NPR3: variants seen among roughly 807,000 people sequenced by gnomAD.
NPR3 encodes the protein natriuretic peptide receptor 3, also known as atrial natriuretic peptide receptor 3.
NPR3 carries 34 observed loss-of-function variants against 54.5 expected under a neutral mutation model. That is an observed-to-expected ratio of 0.62 (90% CI 0.47 to 0.83). The LOEUF is 0.83. NPR3 is among the 40% of genes least tolerant of loss of function. The probability of loss-of-function intolerance (pLI) is 0.00; values close to 1 mark genes in which losing one functional copy is unlikely to be tolerated. For missense variants in NPR3, 674 were observed against 720.8 expected (o/e 0.94, Z 0.74); for synonymous variants, 289 against 297.1 (o/e 0.97, Z 0.28).
At chr5:32,726,365 A>C (rs535436918) in intron 2 of NPR3, among the ~76,000 whole-genome samples, 1 of 152,298 alleles carries the variant, frequency 6.6e-6, no homozygotes, top group Non-Finnish European at 1.5e-5. Context: ...GTAGTGGATA[A>C]AATTAGAGAT....
chr5:32,785,961 T>A (rs1303118157), intron 7 of NPR3, among the ~76,000 whole-genome samples: 1 of 152,200 alleles, frequency 6.6e-6, no homozygotes, highest in East Asian at 1.9e-4. Context: ...AGAACTTCTG[T>A]AGCCTAATAG....
chr5:32,754,814 T>C (rs1740749029), intron 3 of NPR3, among the ~76,000 whole-genome samples: 1 of 152,186 alleles, frequency 6.6e-6, no homozygotes, highest in Non-Finnish European at 1.5e-5. Flanking sequence ...AATTACTAAA[T>C]CACTGGTGTT....
At chr5:32,736,192 C>G (rs1739733673) in intron 2 of NPR3, among the ~76,000 whole-genome samples, 1 of 140,482 alleles carries the variant, frequency 7.1e-6, no homozygotes, top group Non-Finnish European at 1.5e-5. Flanking sequence ...GATCATGCCA[C>G]TGCCCTCCAG....
At chr5:32,725,145 AAC>A (rs1739075727) in intron 2 of NPR3, among the ~76,000 whole-genome samples, 1 of 152,018 alleles carries the variant, frequency 6.6e-6, no homozygotes, top group Non-Finnish European at 1.5e-5. Context: ...TGGGTTAAAA[AAC>A]CCTGTTGGGT....
chr5:32,713,668 AC>A (rs955341023), intron 1 of NPR3, among the ~76,000 whole-genome samples: 4 of 152,228 alleles, frequency 2.6e-5, no homozygotes, highest in Middle Eastern at 3.2e-3. Context: ...GGGCTAGTCC[AC>A]AACTTGGCAT....
At chr5:32,761,491 C>A (rs1741159947) in intron 3 of NPR3, among the ~76,000 whole-genome samples, 1 of 152,024 alleles carries the variant, frequency 6.6e-6, no homozygotes, top group Admixed American at 6.5e-5. Flanking sequence ...TATAGAAATA[C>A]AGTTGATTTT....
chr5:32,758,731 G>A (rs983596784), intron 3 of NPR3, among the ~76,000 whole-genome samples: 25 of 152,132 alleles, frequency 1.6e-4, no homozygotes, highest in East Asian at 3.9e-4. Context: ...GCTTTCTCTC[G>A]TGGGCTTTCA....
At chr5:32,750,875 A>G (rs935677282) in intron 3 of NPR3, among the ~76,000 whole-genome samples, 1 of 152,224 alleles carries the variant, frequency 6.6e-6, no homozygotes, top group African/African-American at 2.4e-5. Flanking sequence ...AAAACACACG[A>G]ATAATAATGC....
intron 2 of NPR3, among the ~76,000 whole-genome samples, chr5:32,728,833 GTGTGTATATATATATATA>G (rs1265473887): frequency 4.7e-5 from 3 of 64,060 alleles, no homozygotes; most frequent in African/African-American, 1.3e-4. Context: ...GTGTGTGTGT[GTGTGTATATATATATATA>G]TATATATATA....
chr5:32,738,859 C>A lies in NPR3; in HGVS notation c.893-5C>A, dbSNP rs1298227978. 8 of 1,611,044 alleles carry A rather than the reference C, an allele frequency of 5.0e-6. No homozygotes were observed. The highest frequency in any genetic ancestry group is 2.2e-5 in the South Asian group (2 of 90,546). ...GAATTATAAATATTTTTATTTCTTC[C>A]ATAGGAGATGGCTCATGGAAGAGAG... is the stretch of plus-strand genomic sequence containing the variant. On this transcript the variant is annotated splice_region_variant and splice_polypyrimidine_tract_variant and intron_variant, in intron 2 of 7. Coordinates refer to ENST00000265074, the MANE Select transcript of NPR3 (RefSeq NM_001204375.2).
rs527966144 is a variant in NPR3, at chr5:32,788,826, G to T, written c.*2481G>T. On this transcript the variant is annotated 3_prime_UTR_variant, in exon 8 of 8. Coordinates refer to ENST00000265074, the MANE Select transcript of NPR3 (RefSeq NM_001204375.2). ...TAAAATCAATTCTTATGTTAATATT[G>T]ATTGCTTATTTACATGTCAGTCATC... 1.3e-5 allele frequency: 2 copies of T among 152,290 alleles called. No homozygotes were observed. The highest frequency in any genetic ancestry group is 4.2e-4 in the South Asian group (2 of 4,818). The allele number at this position is 152,290 out of a possible 1,614,324, so 9.4% of individuals were successfully genotyped here.
At position 32,788,968 on chromosome 5, in the gene NPR3, GA is replaced by G. The variant is rs1008335911; in HGVS notation, c.*2624del. 6.6e-6 allele frequency: 1 copy of G among 152,574 alleles called. No individual in the cohort carries two copies. Among genetic ancestry groups the G allele is most frequent in the African/African-American group, 2.4e-5 (1 of 41,396 alleles). The allele number at this position is 152,574 out of a possible 1,614,324, so 9.5% of individuals were successfully genotyped here. A position where few individuals can be genotyped will look rare whatever the true frequency, so the allele number is the denominator to read the frequency against. ...AGGTGCCTGGCCCATGGTTACCCTG[GA>G]TTCAGGTCTCTCATGATTATATTTG... On this transcript the variant is annotated 3_prime_UTR_variant, in exon 8 of 8. Coordinates refer to ENST00000265074, the MANE Select transcript of NPR3 (RefSeq NM_001204375.2).
chr5:32,711,776 G>A lies in NPR3; in HGVS notation c.-1G>A. 7.0e-7 allele frequency: 1 copy of A among 1,420,244 alleles called. No homozygotes were observed. The highest frequency in any genetic ancestry group is 9.2e-7 in the Non-Finnish European group (1 of 1,086,638). The allele number at this position is 1,420,244 out of a possible 1,614,324, so 88.0% of individuals were successfully genotyped here. On this transcript the variant is annotated 5_prime_UTR_variant, in exon 1 of 8. Coordinates refer to ENST00000265074, the MANE Select transcript of NPR3 (RefSeq NM_001204375.2). ...GAGGGCAAGCTCTTTCTTGCGGCAC[G>A]ATGCCGTCTCTGCTGGTGCTCACTT...
rs193151093 is a variant in NPR3 at position 32,727,645 on chromosome 5, T to C, written c.892+2825T>C. The stretch of plus-strand genomic sequence containing the variant: ...GTTCTTAGTATTTTATGTTTTTTGG[T>C]TGTTATTATGATCATGATCTTTTCC... On this transcript the variant is annotated intron_variant, in intron 2 of 7. Transcript: ENST00000265074. Among the ~76,000 whole-genome samples, 4 of 152,316 alleles carry C rather than the reference T, an allele frequency of 2.6e-5. No homozygotes were observed. The East Asian group carries it at 7.7e-4, about 29-fold the overall frequency.
rs376108220 is a variant in NPR3 at position 32,713,966 on chromosome 5, T to A, written c.769+1421T>A. On this transcript the variant is annotated intron_variant, in intron 1 of 7. Coordinates refer to ENST00000265074, the MANE Select transcript of NPR3 (RefSeq NM_001204375.2). ...TGCCGATTATGAAAAAGGGCACGTG[T>A]GTCCAACGGCTGCGGACTTGCCACG... is the stretch of plus-strand genomic sequence containing the variant. 9.2e-5 allele frequency among the ~76,000 whole-genome samples: 14 copies of A among 152,260 alleles called. No homozygotes were observed. The East Asian group carries it at 2.5e-3, about 27-fold the overall frequency.
chr5:32,769,820 G>A (rs934085240), intron 3 of NPR3, among the ~76,000 whole-genome samples: 10 of 152,298 alleles, frequency 6.6e-5, no homozygotes, highest in Admixed American at 2.6e-4. Flanking sequence ...AGCTGAGGCC[G>A]GCAGCGTTCT....
At chr5:32,724,576 G>A in intron 1 of NPR3, 122 bp from the exon 2 acceptor site, 1 of 1,117,226 alleles carries the variant, frequency 9.0e-7, no homozygotes, top group Non-Finnish European at 1.3e-6. Flanking sequence ...AAGTGATTGT[G>A]AGGAGATACT....
chr5:32,767,282 C>T (rs1029360504), intron 3 of NPR3, among the ~76,000 whole-genome samples: 31 of 152,304 alleles, frequency 2.0e-4, no homozygotes, highest in Non-Finnish European at 2.8e-4. Context: ...GCCCACTCAA[C>T]GTTTTCTTGA....
At chr5:32,719,847 C>T in intron 1 of NPR3, among the ~76,000 whole-genome samples, 1 of 144,672 alleles carries the variant, frequency 6.9e-6, no homozygotes, top group East Asian at 2.1e-4. Context: ...TTTAAAGTTA[C>T]TGTTGAGTTT....
Sources: allele counts gnomAD v4.1 joint callset (sites outside exome capture counted in the v4.1 genomes callset), GRCh38; gene constraint gnomAD v4.1.1; transcripts MANE v1.5; gene names NCBI Gene and HGNC (gene_info 2026-07-23, HGNC 2026-07-21).